The following KCNU1 variants were observed in gnomAD, a reference collection of about 807,000 sequenced individuals.
KCNU1 encodes the protein potassium channel subfamily U member 1.
In KCNU1, 93 loss-of-function variants were observed where a neutral mutation model predicts 126.8. That is an observed-to-expected ratio of 0.73 (90% CI 0.62 to 0.87). The LOEUF is 0.87. Ranked by LOEUF, KCNU1 falls within the 40% of genes least tolerant of loss-of-function variation. The pLI is 0.00. For synonymous variants in KCNU1, 523 were observed against 494.2 expected (o/e 1.06, Z -0.77); for missense variants, 1,330 against 1,367.1 (o/e 0.97, Z 0.43).
At chr8:36,906,148 A>C (rs1248618150) in intron 20 of KCNU1, among the ~76,000 whole-genome samples, 2 of 149,566 alleles carry the variant, frequency 1.3e-5, no homozygotes, top group Non-Finnish European at 3.0e-5. Context: ...TAAATGCACC[A>C]GGGAAACCTA....
Position 36,808,762 on chromosome 8 carries a change from C to A in KCNU1, c.701C>A (p.Thr234Asn). The change falls in exon 7 of 27, where the codon ACC becomes AAC. Residue 234 changes from threonine (T) to asparagine (N), a missense_variant. Coordinates refer to ENST00000399881, the MANE Select transcript of KCNU1 (RefSeq NM_001031836.3). ...FSKLLSIILS[T>N]WFTAAGFIHL... ...AAACTGCTGTCAATAATTCTCAGTA[C>A]CTGGTTCACAGCTGCGGGATTCATT... The A allele has an allele frequency of 6.2e-7, 1 of 1,611,828 alleles. No homozygotes were observed.
chr8:36,891,357 T>A (rs1446482631), intron 19 of KCNU1, among the ~76,000 whole-genome samples: 1 of 152,058 alleles, frequency 6.6e-6, no homozygotes, highest in Non-Finnish European at 1.5e-5. Flanking sequence ...ATCATACAAA[T>A]TACATCTTTA....
At chr8:36,798,445 T>C (rs1803185650) in intron 2 of KCNU1, among the ~76,000 whole-genome samples, 1 of 152,228 alleles carries the variant, frequency 6.6e-6, no homozygotes, top group South Asian at 2.1e-4. Flanking sequence ...TGGGGGAATA[T>C]TTGCATCTGT....
intron 10 of KCNU1, among the ~76,000 whole-genome samples, chr8:36,823,582 T>A (rs1016543284): frequency 6.6e-6 from 1 of 151,996 alleles, no homozygotes; most frequent in African/African-American, 2.4e-5. Context: ...AAAATTTTAT[T>A]TTCAATCCTC....
chr8:36,909,589 G>C, intron 21 of KCNU1, 54 bp downstream of exon 21: 1 of 998,916 alleles, frequency 1.0e-6, no homozygotes, highest in Non-Finnish European at 1.6e-6. Context: ...ATATTAATAG[G>C]ACTAGAATTA....
chr8:36,839,526 C>T (rs567291824), intron 14 of KCNU1, among the ~76,000 whole-genome samples: 2 of 152,280 alleles, frequency 1.3e-5, no homozygotes, highest in South Asian at 2.1e-4. Flanking sequence ...GCTGAATCTT[C>T]GTGGTGGAAG....
In KCNU1 at chr8:36,935,542, G is replaced by A. The variant is rs372838728; in HGVS notation, c.3072G>A (p.Glu1024=). The change falls in exon 27 of 27, where the codon GAG becomes GAA. Residue 1024 remains glutamate (E), a synonymous_variant. Transcript: ENST00000399881. ...KRFVITRPAN[E]FKLLPSDLVF... is the part of the protein sequence containing the mutation. ...TTGTGATCACCCGGCCAGCCAATGAGTTCAAGCTGCTGCCTTCAGATCTTG... is the reference window on the plus strand; with the variant it reads ...TTGTGATCACCCGGCCAGCCAATGAATTCAAGCTGCTGCCTTCAGATCTTG... 2.1e-5 allele frequency: 33 copies of A among 1,609,580 alleles called. No homozygotes were observed. In the African/African-American group the frequency reaches 3.9e-4, roughly 19 times the overall value.
At chr8:36,789,519 T>A (rs888890678) in intron 2 of KCNU1, among the ~76,000 whole-genome samples, 3 of 152,210 alleles carry the variant, frequency 2.0e-5, no homozygotes, top group African/African-American at 4.8e-5. Context: ...ATATTTATTG[T>A]TTGCCAAGTA....
intron 1 of KCNU1, among the ~76,000 whole-genome samples, chr8:36,785,055 A>G (rs1469608059): frequency 1.3e-5 from 2 of 152,240 alleles, no homozygotes; most frequent in Non-Finnish European, 2.9e-5. Context: ...TGCCTTTTGT[A>G]TACCATATGA....
chr8:36,917,826 G>A (rs969343905), intron 22 of KCNU1, among the ~76,000 whole-genome samples: 2 of 152,080 alleles, frequency 1.3e-5, no homozygotes, highest in Non-Finnish European at 2.9e-5. Flanking sequence ...CCTTATCTCC[G>A]AAGACAGGAG....
At chr8:36,891,800 C>A (rs1751169774) in intron 19 of KCNU1, among the ~76,000 whole-genome samples, 1 of 151,974 alleles carries the variant, frequency 6.6e-6, no homozygotes. Flanking sequence ...TTCTGGCTTT[C>A]ATGGTTTCTG....
chr8:36,882,985 GCCTT>G (rs1435452881), intron 19 of KCNU1, among the ~76,000 whole-genome samples: 1 of 150,128 alleles, frequency 6.7e-6, no homozygotes, highest in Admixed American at 6.6e-5. Flanking sequence ...TCTCTTTTTT[GCCTT>G]CCTTATCTTT....
chr8:36,879,201 G>GTA (rs1156290064), intron 19 of KCNU1, among the ~76,000 whole-genome samples: 9 of 61,372 alleles, frequency 1.5e-4, no homozygotes, highest in African/African-American at 5.0e-4. Flanking sequence ...ATGTGTGTGT[G>GTA]TGTGTGTGTG....
chr8:36,822,214 A>C (rs1804155125), intron 10 of KCNU1, among the ~76,000 whole-genome samples: 1 of 151,860 alleles, frequency 6.6e-6, no homozygotes, highest in African/African-American at 2.4e-5. Flanking sequence ...ACTATAAAAA[A>C]TAAATACACA....
At chr8:36,850,229 T>C (rs895061494) in intron 18 of KCNU1, among the ~76,000 whole-genome samples, 4 of 152,208 alleles carry the variant, frequency 2.6e-5, no homozygotes, top group African/African-American at 9.6e-5. Context: ...AGATGTATGA[T>C]TGGCAAATAT....
chr8:36,866,058 A>G (rs561732941), intron 19 of KCNU1, among the ~76,000 whole-genome samples: 4 of 152,166 alleles, frequency 2.6e-5, no homozygotes, highest in Non-Finnish European at 4.4e-5. Context: ...GTCAAAAGGT[A>G]CCAAGGAATC....
intron 10 of KCNU1, 43 bp from the exon 11 acceptor site, chr8:36,833,511 T>A (rs372294612): frequency 2.4e-4 from 274 of 1,139,730 alleles, no homozygotes; most frequent in Non-Finnish European, 3.2e-4. Context: ...CCAGAGTCAA[T>A]CATCTTTTTT....
At chr8:36,790,910 C>A (rs1300921718) in intron 2 of KCNU1, among the ~76,000 whole-genome samples, 2 of 151,350 alleles carry the variant, frequency 1.3e-5, no homozygotes, top group East Asian at 3.9e-4. Flanking sequence ...AAACTAATGC[C>A]CTTAATACTT....
At chr8:36,924,903 AC>A (rs1228581508) in intron 24 of KCNU1, among the ~76,000 whole-genome samples, 1 of 152,194 alleles carries the variant, frequency 6.6e-6, no homozygotes, top group African/African-American at 2.4e-5. Flanking sequence ...GAATAGAGCC[AC>A]AGATTTTATT....
Sources: allele counts gnomAD v4.1 joint callset (sites outside exome capture counted in the v4.1 genomes callset), GRCh38; gene constraint gnomAD v4.1.1; transcripts MANE v1.5; gene names NCBI Gene and HGNC (gene_info 2026-07-23, HGNC 2026-07-21).